Variants in CNTNAP2 observed in about 807,000 individuals in gnomAD.
The protein encoded by CNTNAP2 is contactin-associated protein-like 2.
In CNTNAP2, 98 loss-of-function variants were observed where a neutral mutation model predicts 155.2. The ratio of observed to expected loss-of-function variants is 0.63; its 90% CI spans 0.54 to 0.75. The LOEUF (loss-of-function observed/expected upper bound fraction) is 0.75, where lower values mean the gene tolerates loss of function less well. Among genes scored for constraint, CNTNAP2 ranks in the 30% least tolerant of loss-of-function variants. The pLI, the probability that CNTNAP2 is intolerant of heterozygous loss-of-function variation, is 0.00. For missense variants in CNTNAP2, 1,727 were observed against 1,688.1 expected, an observed-to-expected ratio of 1.02 and a Z score of -0.40; for synonymous variants, 651 against 631.2, an observed-to-expected ratio of 1.03 and a Z score of -0.47.
rs181293525 is a variant in CNTNAP2, at chr7:147,598,761, T to G, written c.1897+36504T>G. On this transcript the variant is annotated intron_variant, in intron 12 of 23. Transcript: ENST00000361727. ...TCCACATGTCATGGGAGGTACCTAG[T>G]GGGAGTTAATTGAATCATGGGGGCG... is the stretch of plus-strand genomic sequence containing the variant. Among the ~76,000 whole-genome samples the G allele has an allele frequency of 6.1e-4, 93 of 152,178 alleles. No individual in the cohort carries two copies. The East Asian group carries it at 6.6e-3, about 11-fold the overall frequency.
chr7:146,800,553 T>G (rs1303613717), intron 2 of CNTNAP2, among the ~76,000 whole-genome samples: 1 of 152,162 alleles, frequency 6.6e-6, no homozygotes, highest in Admixed American at 6.5e-5. Context: ...CCCCAAAATA[T>G]GCAGGTTGTT....
intron 1 of CNTNAP2, among the ~76,000 whole-genome samples, chr7:146,356,819 C>T (rs974664743): frequency 6.6e-5 from 10 of 152,228 alleles, no homozygotes; most frequent in African/African-American, 2.4e-4. Flanking sequence ...CAAACACACA[C>T]ACGCACTTTC....
intron 1 of CNTNAP2, among the ~76,000 whole-genome samples, chr7:146,346,401 G>T (rs1794819617): frequency 1.3e-5 from 2 of 152,160 alleles, no homozygotes; most frequent in Non-Finnish European, 2.9e-5. Context: ...AATGTAACTG[G>T]CTGGGTGCCA....
chr7:147,980,930 T>TAA (rs1801515362), intron 15 of CNTNAP2, among the ~76,000 whole-genome samples: 1 of 41,914 alleles, frequency 2.4e-5, no homozygotes, highest in African/African-American at 1.4e-4. Flanking sequence ...GACTCCATCT[T>TAA]AACAAAAAAA....
At chr7:148,265,645 C>T (rs562465312) in intron 20 of CNTNAP2, among the ~76,000 whole-genome samples, 2 of 152,260 alleles carry the variant, frequency 1.3e-5, no homozygotes, top group East Asian at 1.9e-4. Flanking sequence ...CAAATGTTTA[C>T]TTTAATAGTT....
intron 10 of CNTNAP2, among the ~76,000 whole-genome samples, chr7:147,457,617 C>A (rs554935210): frequency 6.6e-6 from 1 of 151,476 alleles, no homozygotes. Context: ...GAGCCTGAAA[C>A]TGTTATCTGC....
chr7:147,853,106 CT>C (rs1385166693), intron 13 of CNTNAP2, among the ~76,000 whole-genome samples: 1 of 152,168 alleles, frequency 6.6e-6, no homozygotes, highest in Non-Finnish European at 1.5e-5. Context: ...CCTTTTCTTT[CT>C]ATTCATTGTC....
chr7:147,704,401 T>C (rs1261686550), intron 13 of CNTNAP2: 1 of 163,314 alleles, frequency 6.1e-6, no homozygotes, highest in African/African-American at 2.4e-5. Context: ...AATCCAAATA[T>C]CTGACCAGCA....
At chr7:147,201,793 CTG>C (rs1393666857) in intron 8 of CNTNAP2, among the ~76,000 whole-genome samples, 1 of 152,156 alleles carries the variant, frequency 6.6e-6, no homozygotes, top group Non-Finnish European at 1.5e-5. Context: ...GATATAAATA[CTG>C]TGTCATTTTT....
chr7:147,395,620 C>T lies in CNTNAP2; in HGVS notation c.1510C>T (p.Gln504Ter). The change falls in exon 10 of 24, where the codon CAG (glutamine) becomes TAG (stop). Residue 504 changes from glutamine to a stop codon, truncating the protein, a stop_gained. Transcript: ENST00000361727. LOFTEE classifies it high-confidence loss of function. ...CTTCTGTTTCACAGGTTTTCTGAAC[C>T]AGATGAATAACTCAAGTCACTCTGT... ...EKYFFGGFLN[Q>*]MNNSSHSVLQ... 6.2e-7 allele frequency: 1 copy of T among 1,611,846 alleles called. No individual in the cohort carries two copies. Among genetic ancestry groups the T allele is most frequent in the Non-Finnish European group, 8.5e-7 (1 of 1,178,352 alleles).
At chr7:147,916,470 G>A (rs2116772274) in intron 14 of CNTNAP2, among the ~76,000 whole-genome samples, 1 of 152,148 alleles carries the variant, frequency 6.6e-6, no homozygotes, top group East Asian at 1.9e-4. Flanking sequence ...TGTTCAGAGT[G>A]TGCTGTGGGT....
chr7:146,367,260 G>A (rs1584891713), intron 1 of CNTNAP2, among the ~76,000 whole-genome samples: 1 of 151,916 alleles, frequency 6.6e-6, no homozygotes, highest in Non-Finnish European at 1.5e-5. Context: ...AAATACCATG[G>A]GGTAATTATT....
At chr7:147,059,354 T>C (rs1799620474) in intron 4 of CNTNAP2, among the ~76,000 whole-genome samples, 1 of 152,094 alleles carries the variant, frequency 6.6e-6, no homozygotes, top group Non-Finnish European at 1.5e-5. Context: ...CTAGGCAACC[T>C]CAGTCTGGCA....
intron 1 of CNTNAP2, among the ~76,000 whole-genome samples, chr7:146,124,759 A>G (rs1157423190): frequency 6.6e-6 from 1 of 152,208 alleles, no homozygotes; most frequent in Non-Finnish European, 1.5e-5. Context: ...TGAAGAAAAC[A>G]TGATTCGGGT....
Position 147,714,412 on chromosome 7 carries a change from A to T in CNTNAP2, c.2098+75106A>T, listed in dbSNP as rs548369704. ...AAGTATAGTTGTGGAGGTAGAAGAG[A>T]GAGAAAGAGGTTCTTTGTTTGTGTG... On this transcript the variant is annotated intron_variant, in intron 13 of 23. Transcript: ENST00000361727. 2.6e-4 allele frequency among the ~76,000 whole-genome samples: 37 copies of T among 143,634 alleles called. No homozygotes were observed. The South Asian group carries it at 8.3e-3, about 32-fold the overall frequency. 94.2% of individuals were successfully genotyped at this position (143,634 alleles called of 152,430 possible).
At position 147,242,987 on chromosome 7, in the gene CNTNAP2, A is replaced by ATTTTTTTTTTTTTTTTTTTTTT. The variant is rs766917054; in HGVS notation, c.1349-57146_1349-57125dup. On this transcript the variant is annotated intron_variant, in intron 8 of 23. Transcript: ENST00000361727. ...TGTTGTATTCCACACTATGCTTTGC[A>ATTTTTTTTTTTTTTTTTTTTTT]TTTTTTTTTTTTTTTTTTTTTTTTT... Among the ~76,000 whole-genome samples the ATTTTTTTTTTTTTTTTTTTTTT allele has an allele frequency of 4.5e-4, 21 of 47,166 alleles. 7 individuals are homozygous for ATTTTTTTTTTTTTTTTTTTTTT. Among genetic ancestry groups the ATTTTTTTTTTTTTTTTTTTTTT allele is most frequent in the African/African-American group, 6.8e-4 (8 of 11,754 alleles). 30.9% of individuals were successfully genotyped at this position (47,166 alleles called of 152,430 possible). A position where few individuals can be genotyped will look rare whatever the true frequency, so the allele number is the denominator to read the frequency against.
intron 10 of CNTNAP2, among the ~76,000 whole-genome samples, chr7:147,484,858 T>C (rs1487886321): frequency 1.3e-5 from 2 of 152,240 alleles, no homozygotes; most frequent in Non-Finnish European, 2.9e-5. Flanking sequence ...GCTATTTTAA[T>C]CTGGGAAAGT....
At chr7:146,165,111 A>G (rs1798292931) in intron 1 of CNTNAP2, among the ~76,000 whole-genome samples, 1 of 152,210 alleles carries the variant, frequency 6.6e-6, no homozygotes, top group Non-Finnish European at 1.5e-5. Flanking sequence ...AAGCAGTAGA[A>G]AAATCTACTG....
At chr7:147,025,665 A>T (rs1159919084) in intron 3 of CNTNAP2, among the ~76,000 whole-genome samples, 1 of 151,908 alleles carries the variant, frequency 6.6e-6, no homozygotes, top group East Asian at 1.9e-4. Flanking sequence ...CTATTTTTGC[A>T]ACTACTATGT....
Sources: allele counts gnomAD v4.1 joint callset (sites outside exome capture counted in the v4.1 genomes callset), GRCh38; gene constraint gnomAD v4.1.1; transcripts MANE v1.5; gene names NCBI Gene and HGNC (gene_info 2026-07-23, HGNC 2026-07-21).